ZNF713: variants seen among roughly 807,000 people sequenced by gnomAD.
ZNF713 encodes zinc finger protein 713.
In ZNF713, 21 loss-of-function variants were observed where a neutral mutation model predicts 28.7. The observed-to-expected ratio is 0.73, with a 90% CI of 0.52 to 1.05. The LOEUF (loss-of-function observed/expected upper bound fraction) is 1.05, where lower values mean the gene tolerates loss of function less well. Ranked by LOEUF, ZNF713 falls within the 50% of genes least tolerant of loss-of-function variation. The pLI is 0.00. For synonymous variants in ZNF713, 167 were observed against 178.0 expected (o/e 0.94, Z 0.49); for missense variants, 458 against 532.4 (o/e 0.86, Z 1.37).
chr7:55,938,836 A>T, intron 6 of ZNF713, 146 bp from the exon 7 acceptor site: 1 of 767,618 alleles, frequency 1.3e-6, no homozygotes, highest in Non-Finnish European at 2.0e-6. Context: ...TGACGTGGCC[A>T]CATTGAAAAA....
intron 1 of ZNF713, among the ~76,000 whole-genome samples, chr7:55,891,482 C>T (rs1442994042): frequency 6.6e-6 from 1 of 150,786 alleles, no homozygotes. Flanking sequence ...TGTGTCTAGA[C>T]CAGCCTGGGA....
In ZNF713 at chr7:55,940,145, C is replaced by G; in HGVS notation, c.*139C>G. 2 of 1,352,554 alleles carry G rather than the reference C, an allele frequency of 1.5e-6. No homozygotes were observed. Among genetic ancestry groups the G allele is most frequent in the Non-Finnish European group, 1.9e-6 (2 of 1,032,568 alleles). 83.8% of individuals were successfully genotyped at this position (1,352,554 alleles called of 1,614,324 possible). On this transcript the variant is annotated 3_prime_UTR_variant, in exon 7 of 7. Transcript: ENST00000429591. The stretch of plus-strand genomic sequence containing the variant: ...TTTTTGTTTTGTTTTGTTTTTGAGA[C>G]TGAGTCTCACTCTGTCACCCAGGCT...
At chr7:55,901,579 G>A (rs1014165484) in intron 1 of ZNF713, among the ~76,000 whole-genome samples, 1 of 152,064 alleles carries the variant, frequency 6.6e-6, no homozygotes, top group Non-Finnish European at 1.5e-5. Flanking sequence ...ACTGTATAAT[G>A]CAACCTCCAT....
Position 55,939,823 on chromosome 7 carries a change from A to G in ZNF713, c.1149A>G (p.Thr383=), listed in dbSNP as rs760708011. ...GFCGKAFSQR[T]HLNQHERTHT... The stretch of plus-strand genomic sequence containing the variant: ...GTGGCAAAGCCTTCAGTCAGAGGAC[A>G]CATCTGAATCAACATGAAAGAACTC... The change falls in exon 7 of 7, where the codon ACA becomes ACG. Residue 383 remains threonine, a synonymous_variant. Coordinates refer to ENST00000429591, the MANE Select transcript of ZNF713 (RefSeq NM_182633.3). The G allele has an allele frequency of 1.9e-5, 30 of 1,614,090 alleles. No homozygotes were observed. The highest frequency in any genetic ancestry group is 2.7e-5 in the African/African-American group (2 of 74,936).
chr7:55,919,498 T>TGTTTTTTTTTTG (rs71015125), intron 4 of ZNF713, among the ~76,000 whole-genome samples: 61 of 59,648 alleles, frequency 1.0e-3, no homozygotes, highest in African/African-American at 1.3e-3. Flanking sequence ...CAGTTTTTTT[T>TGTTTTTTTTTTG]TTTTTTTTTT....
chr7:55,904,812 C>T (rs575266013), intron 1 of ZNF713, among the ~76,000 whole-genome samples: 73 of 152,248 alleles, frequency 4.8e-4, no homozygotes, highest in Non-Finnish European at 7.9e-4. Flanking sequence ...CTGCAATCTC[C>T]ACCCCCTCGG....
At chr7:55,923,320 C>CGTTCACGT (rs1786030473) in intron 5 of ZNF713, 32 bp downstream of exon 5, 1 of 1,582,880 alleles carries the variant, frequency 6.3e-7, no homozygotes, top group African/African-American at 1.4e-5. Flanking sequence ...AACCGGAAGC[C>CGTTCACGT]GTTCACGTGG....
chr7:55,927,387 G>A (rs999350129), intron 6 of ZNF713, among the ~76,000 whole-genome samples: 3 of 151,714 alleles, frequency 2.0e-5, no homozygotes, highest in African/African-American at 7.3e-5. Context: ...GCCGGATGTG[G>A]AGGTATGAGC....
chr7:55,935,735 T>C (rs1174707535), intron 6 of ZNF713, among the ~76,000 whole-genome samples: 1 of 151,766 alleles, frequency 6.6e-6, no homozygotes, highest in African/African-American at 2.4e-5. Flanking sequence ...AGGCGGATCA[T>C]GAGGTCAGGA....
chr7:55,934,930 C>T (rs943193793), intron 6 of ZNF713, among the ~76,000 whole-genome samples: 3 of 148,200 alleles, frequency 2.0e-5, no homozygotes, highest in Non-Finnish European at 3.0e-5. Context: ...GCTCTGTTGC[C>T]TAGACTGGAG....
intron 4 of ZNF713, among the ~76,000 whole-genome samples, chr7:55,920,634 T>C (rs1785975798): frequency 6.6e-6 from 1 of 152,222 alleles, no homozygotes; most frequent in African/African-American, 2.4e-5. Flanking sequence ...CAAATGCTGA[T>C]ATAGTAGCTG....
At chr7:55,910,597 G>A (rs1448217058) in intron 2 of ZNF713, among the ~76,000 whole-genome samples, 1 of 152,182 alleles carries the variant, frequency 6.6e-6, no homozygotes, top group Non-Finnish European at 1.5e-5. Context: ...CCAGGCTGAA[G>A]CGATCCTCCC....
At chr7:55,911,506 G>C (rs1321138106) in intron 2 of ZNF713, 110 bp from the exon 3 acceptor site, 1 of 151,896 alleles carries the variant, frequency 6.6e-6, no homozygotes, top group Non-Finnish European at 1.5e-5. Flanking sequence ...ACCTTACTGT[G>C]CTCTGTCTGT....
At chr7:55,924,306 C>A (rs71543769) in intron 6 of ZNF713, 2,051 of 152,404 alleles carry the variant, frequency 0.013, 20 homozygotes, top group South Asian at 0.038. Flanking sequence ...AATCCAGTGG[C>A]TACAAAGCCA....
intron 1 of ZNF713, among the ~76,000 whole-genome samples, chr7:55,891,499 G>A (rs539855125): frequency 7.1e-6 from 1 of 140,882 alleles, no homozygotes; most frequent in East Asian, 2.2e-4. Flanking sequence ...GGGAAACATG[G>A]TGAGACCTGG....
chr7:55,918,180 G>T, intron 4 of ZNF713: 1 of 450,302 alleles, frequency 2.2e-6, no homozygotes, highest in Non-Finnish European at 4.5e-6. Context: ...CTCTAAACCC[G>T]ACCACCTTGT....
intron 1 of ZNF713, among the ~76,000 whole-genome samples, chr7:55,897,464 A>G (rs953664542): frequency 9.2e-5 from 14 of 151,406 alleles, no homozygotes; most frequent in Admixed American, 2.0e-4. Context: ...TTTTTTTTTC[A>G]TAGTGAAGGT....
intron 1 of ZNF713, among the ~76,000 whole-genome samples, chr7:55,897,874 G>A (rs1028526907): frequency 6.6e-6 from 1 of 152,076 alleles, no homozygotes; most frequent in Non-Finnish European, 1.5e-5. Context: ...TAAAACCCTC[G>A]TCATTTTCTG....
chr7:55,915,322 G>A (rs1318673498), intron 4 of ZNF713, among the ~76,000 whole-genome samples: 1 of 152,170 alleles, frequency 6.6e-6, no homozygotes, highest in African/African-American at 2.4e-5. Context: ...TAGCTAGTAT[G>A]TGACAAGTTT....
Sources: gnomAD v4.1 joint callset for allele counts (sites outside exome capture counted in the v4.1 genomes callset) on GRCh38, gnomAD v4.1.1 for gene constraint, MANE v1.5 for transcripts, NCBI Gene and HGNC (gene_info 2026-07-23, HGNC 2026-07-21) for gene names.